The following MDFI variants were observed in gnomAD, a reference collection of about 807,000 sequenced individuals.
The protein encoded by MDFI is MyoD family inhibitor.
A neutral mutation model predicts 22.3 loss-of-function variants in MDFI; 16 were observed. That is an observed-to-expected ratio of 0.72 (90% CI 0.49 to 1.09). The LOEUF (loss-of-function observed/expected upper bound fraction) is 1.09. MDFI is among the 50% of genes least tolerant of loss of function. MDFI has a pLI of 0.00. For missense variants in MDFI, 314 were observed against 326.1 expected, an observed-to-expected ratio of 0.96 and a Z score of 0.29; for synonymous variants, 145 against 142.7, an observed-to-expected ratio of 1.02 and a Z score of -0.12.
Position 41,638,557 on chromosome 6 carries a change from G to A in MDFI, c.-107G>A, listed in dbSNP as rs1174193213. The A allele has an allele frequency of 1.8e-6, 1 of 568,692 alleles. No homozygotes were observed. 35.2% of individuals were successfully genotyped at this position (568,692 alleles called of 1,614,324 possible). On this transcript the variant is annotated 5_prime_UTR_variant, in exon 1 of 5. Coordinates refer to ENST00000230321, the MANE Select transcript of MDFI (RefSeq NM_005586.4). This position sits in a 1 kb window ranked among gnomAD's most constrained non-coding sequence, Gnocchi z 7.6. ...AGGGGCGCCAGGCGAGCACCCGGGA[G>A]CCAGCGGGACCTGGGCAGGGGCGCC...
At chr6:41,639,422 A>T (rs1421032778) in intron 2 of MDFI, 1 of 985,234 alleles carries the variant, frequency 1.0e-6, no homozygotes, top group Non-Finnish European at 1.2e-6. Flanking sequence ...CTTCAGCCCA[A>T]GTGAAATGCC....
Position 41,653,148 on chromosome 6 carries a change from C to T in MDFI, c.485-171C>T, listed in dbSNP as rs1173213138. Among the ~76,000 whole-genome samples, 1 of 152,188 alleles carries T rather than the reference C, an allele frequency of 6.6e-6. No homozygotes were observed. The highest frequency in any genetic ancestry group is 1.5e-5 in the Non-Finnish European group (1 of 68,036). ...TGCTTAACTGTCTGTGCCTCGGGGT[C>T]ATCACCTAGAAAATGGAGCTGTGGG... On this transcript the variant is annotated intron_variant, in intron 4 of 4. Transcript: ENST00000230321. This position sits in a 1 kb window ranked among gnomAD's most constrained non-coding sequence, Gnocchi z 4.2.
At chr6:41,651,853 C>T (rs1427679712) in intron 4 of MDFI, among the ~76,000 whole-genome samples, 1 of 152,242 alleles carries the variant, frequency 6.6e-6, no homozygotes, top group East Asian at 1.9e-4. Flanking sequence ...GTCCCAGCTC[C>T]ACCACCTCCC....
Position 41,653,755 on chromosome 6 carries a change from G to A in MDFI, c.*180G>A. The A allele has an allele frequency of 1.3e-6, 1 of 744,496 alleles. No homozygotes were observed. Among genetic ancestry groups the A allele is most frequent in the Non-Finnish European group, 2.1e-6 (1 of 466,382 alleles). 46.1% of individuals were successfully genotyped at this position (744,496 alleles called of 1,614,324 possible). On this transcript the variant is annotated 3_prime_UTR_variant, in exon 5 of 5. Coordinates refer to ENST00000230321, the MANE Select transcript of MDFI (RefSeq NM_005586.4). The surrounding 1 kb of genome is among the most constrained non-coding windows in gnomAD (Gnocchi z 4.2). ...TGAAAATAGTGGGGGGCACTCAGAG[G>A]GGCCACCTCCTCAGCCGTGGGTGGT...
chr6:41,650,197 C>G (rs1411268644), intron 4 of MDFI: 1 of 212,114 alleles, frequency 4.7e-6, no homozygotes, highest in Non-Finnish European at 9.2e-6. Flanking sequence ...TTAAGCCACT[C>G]TGTTTCTGGA....
intron 2 of MDFI, among the ~76,000 whole-genome samples, chr6:41,645,182 C>A (rs1768000832): frequency 6.6e-6 from 1 of 152,062 alleles, no homozygotes; most frequent in Non-Finnish European, 1.5e-5. Context: ...GCACCCTACA[C>A]CCTTTCATTG....
Position 41,653,647 on chromosome 6 carries a change from C to G in MDFI, c.*72C>G. On this transcript the variant is annotated 3_prime_UTR_variant, in exon 5 of 5. Transcript: ENST00000230321. This position sits in a 1 kb window ranked among gnomAD's most constrained non-coding sequence, Gnocchi z 4.2. ...CAGGGTCCCTCTGAGTGGGGCCAGGCCCAGGACTGTCACACAAGGCTTGAG... is the reference window on the plus strand; with the variant it reads ...CAGGGTCCCTCTGAGTGGGGCCAGGGCCAGGACTGTCACACAAGGCTTGAG... 1 of 1,565,184 alleles carries G rather than the reference C, an allele frequency of 6.4e-7. No individual in the cohort carries two copies. The highest frequency in any genetic ancestry group is 8.6e-7 in the Non-Finnish European group (1 of 1,157,194).
intron 4 of MDFI, among the ~76,000 whole-genome samples, chr6:41,652,240 G>A (rs1768296946): frequency 6.6e-6 from 1 of 152,262 alleles, no homozygotes; most frequent in South Asian, 2.1e-4. Flanking sequence ...TCCAGGCAGA[G>A]GAATCAGCGC....
At chr6:41,649,161 C>T (rs989935925) in intron 3 of MDFI, among the ~76,000 whole-genome samples, 2 of 152,222 alleles carry the variant, frequency 1.3e-5, no homozygotes, top group Admixed American at 6.5e-5. Flanking sequence ...TCACCCAGTG[C>T]GCCAAGGGCA....
chr6:41,647,245 G>A (rs1768084913), intron 3 of MDFI, among the ~76,000 whole-genome samples: 1 of 152,206 alleles, frequency 6.6e-6, no homozygotes, highest in Non-Finnish European at 1.5e-5. Flanking sequence ...GTGGGAATGG[G>A]ACAGACACTC....
At chr6:41,646,033 C>T in intron 2 of MDFI, 93 bp from the exon 3 acceptor site, 1 of 1,129,318 alleles carries the variant, frequency 8.9e-7, no homozygotes, top group East Asian at 2.8e-5. Context: ...AATGAGGGTT[C>T]AGTGGGCATG....
Position 41,653,327 on chromosome 6 carries a change from G to T in MDFI, c.493G>T (p.Val165Phe). 2.5e-6 allele frequency: 4 copies of T among 1,611,686 alleles called. No individual in the cohort carries two copies. The highest frequency in any genetic ancestry group is 2.5e-6 in the Non-Finnish European group (3 of 1,179,220). Residue 165 changes from valine to phenylalanine, a missense_variant, in exon 5 of 5, where the codon GTC becomes TTC. Physicochemically the swap from Val to Phe is conservative, Grantham distance 50 (BLOSUM62 -1). Transcript: ENST00000230321. This position sits in a 1 kb window ranked among gnomAD's most constrained non-coding sequence, Gnocchi z 4.2. ...CCACCGCCACCCCGCAGACTGCTGT[G>T]TCCACTGCATCCTGTCCTGCCTGTT... Reference protein sequence around the residue: ...IPLQAQEDCCVHCILSCLFCE... With the variant: ...IPLQAQEDCCFHCILSCLFCE...
intron 2 of MDFI, chr6:41,639,779 C>T: frequency 1.0e-6 from 1 of 985,464 alleles, no homozygotes; most frequent in Non-Finnish European, 1.2e-6. Context: ...TAATGAAGGT[C>T]TGTTCCTGAA....
rs1039257132 is a variant in MDFI at position 41,653,938 on chromosome 6, C to T, written c.*363C>T. 2.7e-5 allele frequency: 8 copies of T among 291,464 alleles called. No individual in the cohort carries two copies. The highest frequency in any genetic ancestry group is 6.4e-5 in the African/African-American group (3 of 46,890). The allele number at this position is 291,464 out of a possible 1,614,324, so 18.1% of individuals were successfully genotyped here. A position where few individuals can be genotyped will look rare whatever the true frequency, so the allele number is the denominator to read the frequency against. Reference sequence around the variant, plus strand: ...TGAAAGTTACTTGGGGAGGGTGGGCCGGTGGGGCCGTAGCTCTCTACCTCT... The same window carrying T: ...TGAAAGTTACTTGGGGAGGGTGGGCTGGTGGGGCCGTAGCTCTCTACCTCT... On this transcript the variant is annotated 3_prime_UTR_variant, in exon 5 of 5. Transcript: ENST00000230321. This position sits in a 1 kb window ranked among gnomAD's most constrained non-coding sequence, Gnocchi z 4.2.
upstream of MDFI, chr6:41,637,314 G>C (rs1181941400): frequency 6.6e-6 from 1 of 151,904 alleles, no homozygotes; most frequent in Non-Finnish European, 1.5e-5. The surrounding 1 kb of genome is among the most constrained non-coding windows in gnomAD (Gnocchi z 6.8). Context: ...CCAAGAAGTG[G>C]GGAGCTGGGA....
Position 41,638,938 on chromosome 6 carries a change from T to TGGTG in MDFI, c.76+116_76+119dup, listed in dbSNP as rs1767740462. 8.3e-7 allele frequency: 1 copy of TGGTG among 1,207,674 alleles called. No individual in the cohort carries two copies. The highest frequency in any genetic ancestry group is 1.1e-6 in the Non-Finnish European group (1 of 883,868). 74.8% of individuals were successfully genotyped at this position (1,207,674 alleles called of 1,614,324 possible). On this transcript the variant is annotated intron_variant, in intron 2 of 4. Coordinates refer to ENST00000230321, the MANE Select transcript of MDFI (RefSeq NM_005586.4). This position sits in a 1 kb window ranked among gnomAD's most constrained non-coding sequence, Gnocchi z 7.6. Reference sequence around the variant, plus strand: ...CGCGGGGAGACCGTTCCAGGGAGCTTGGTGGGGGTAGGGACGAAAAGTCTG... The same window carrying TGGTG: ...CGCGGGGAGACCGTTCCAGGGAGCTTGGTGGGTGGGGGTAGGGACGAAAAGTCTG...
Position 41,653,235 on chromosome 6 carries a change from G to T in MDFI, c.485-84G>T, listed in dbSNP as rs6932839. On this transcript the variant is annotated intron_variant, in intron 4 of 4. Coordinates refer to ENST00000230321, the MANE Select transcript of MDFI (RefSeq NM_005586.4). The surrounding 1 kb of genome is among the most constrained non-coding windows in gnomAD (Gnocchi z 4.2). Reference sequence around the variant, plus strand: ...CAGCGTCCCTGCTGCTGCCGCTGCCGCAGGCCCCCACACCCCCGGCTATTT... The same window carrying T: ...CAGCGTCCCTGCTGCTGCCGCTGCCTCAGGCCCCCACACCCCCGGCTATTT... 1.4e-6 allele frequency: 2 copies of T among 1,409,834 alleles called. No individual in the cohort carries two copies. Among genetic ancestry groups the T allele is most frequent in the Non-Finnish European group, 2.0e-6 (2 of 1,018,840 alleles). 87.3% of individuals were successfully genotyped at this position (1,409,834 alleles called of 1,614,324 possible). A position where few individuals can be genotyped will look rare whatever the true frequency, so the allele number is the denominator to read the frequency against.
intron 3 of MDFI, among the ~76,000 whole-genome samples, chr6:41,649,101 C>G (rs1768163262): frequency 6.6e-6 from 1 of 152,170 alleles, no homozygotes; most frequent in African/African-American, 2.4e-5. Context: ...GTGAGGAGCC[C>G]CTGGATTCCA....
intron 2 of MDFI, among the ~76,000 whole-genome samples, chr6:41,643,546 G>GA (rs1767928987): frequency 2.2e-4 from 23 of 106,664 alleles, no homozygotes; most frequent in Middle Eastern, 4.5e-3. Context: ...AGGAGGGAAG[G>GA]AGGGAAGGAA....
Sources: allele counts gnomAD v4.1 joint callset (sites outside exome capture counted in the v4.1 genomes callset), GRCh38; gene constraint gnomAD v4.1.1; non-coding constraint Gnocchi (gnomAD v3.1); transcripts MANE v1.5; gene names NCBI Gene and HGNC (gene_info 2026-07-23, HGNC 2026-07-21).